The following NLRP4 variants were observed in gnomAD, a reference collection of about 807,000 sequenced individuals.
NLRP4 encodes the protein NACHT, LRR and PYD domains-containing protein 4.
In NLRP4, 44 loss-of-function variants were observed where a neutral mutation model predicts 84.7. The ratio of observed to expected loss-of-function variants is 0.52; its 90% CI spans 0.41 to 0.67. The LOEUF (loss-of-function observed/expected upper bound fraction) is 0.67. Among genes scored for constraint, NLRP4 ranks in the 30% least tolerant of loss-of-function variants. The probability of loss-of-function intolerance (pLI) is 0.00; values close to 1 mark genes in which losing one functional copy is unlikely to be tolerated. For missense variants in NLRP4, 1,260 were observed against 1,219.4 expected (o/e 1.03, Z -0.50); for synonymous variants, 544 against 476.4 (o/e 1.14, Z -1.85).
At chr19:55,869,318 C>T (rs1034707813) in intron 6 of NLRP4, among the ~76,000 whole-genome samples, 2 of 151,460 alleles carry the variant, frequency 1.3e-5, no homozygotes, top group South Asian at 4.2e-4. Context: ...GAGCCGAGAT[C>T]GCACCACCAC....
intron 1 of NLRP4, among the ~76,000 whole-genome samples, chr19:55,846,693 G>A (rs1249297181): frequency 6.6e-6 from 1 of 152,118 alleles, no homozygotes; most frequent in Non-Finnish European, 1.5e-5. Flanking sequence ...AGGACCTGGG[G>A]ATTTGCATAG....
chr19:55,867,575 C>G, intron 5 of NLRP4, 134 bp from the exon 6 acceptor site: 1 of 722,436 alleles, frequency 1.4e-6, no homozygotes, highest in South Asian at 1.8e-5. Flanking sequence ...TGACAGGGAT[C>G]AAGAACAGGG....
chr19:55,867,196 A>G (rs557835223), intron 5 of NLRP4, among the ~76,000 whole-genome samples: 4 of 146,626 alleles, frequency 2.7e-5, no homozygotes. Flanking sequence ...GAGACAGTGC[A>G]TATCAGGTTG....
Position 55,858,062 on chromosome 19 carries a change from G to A in NLRP4, c.669G>A (p.Pro223=), listed in dbSNP as rs746075034. The change falls in exon 3 of 10, where the codon CCG becomes CCA. Residue 223 remains proline, a synonymous_variant. Transcript: ENST00000301295. This position sits in a 1 kb window ranked among gnomAD's most constrained non-coding sequence, Gnocchi z 4.2. The stretch of plus-strand genomic sequence containing the variant: ...CTATAACAGAGATCGTGTCTCAACC[G>A]GAGAGACTCTTGTTCGTCATCGACA... ...AAPITEIVSQ[P]ERLLFVIDSF... is the part of the protein sequence containing the mutation. 37 of 1,614,036 alleles carry A rather than the reference G, an allele frequency of 2.3e-5. 1 individual carries two copies. Among genetic ancestry groups the A allele is most frequent in the Admixed American group, 1.7e-4 (10 of 60,004 alleles).
intron 7 of NLRP4, among the ~76,000 whole-genome samples, chr19:55,871,885 G>A (rs1600240934): frequency 6.9e-6 from 1 of 145,150 alleles, no homozygotes; most frequent in Non-Finnish European, 1.5e-5. Context: ...GTCTCGCTCT[G>A]TCAGCCCACG....
intron 1 of NLRP4, among the ~76,000 whole-genome samples, chr19:55,845,027 T>A (rs1416170585): frequency 6.6e-6 from 1 of 151,984 alleles, no homozygotes; most frequent in African/African-American, 2.4e-5. Context: ...GAGGCTACAC[T>A]TTTTTTTAAT....
chr19:55,836,751 C>A lies in NLRP4; in HGVS notation c.-249C>A, dbSNP rs430218. 21,492 of 144,532 alleles carry A rather than the reference C, an allele frequency of 0.15. 1,850 individuals carry two copies. The highest frequency in any genetic ancestry group is 0.31 in the East Asian group (1,549 of 5,030). 9.0% of individuals were successfully genotyped at this position (144,532 alleles called of 1,614,324 possible). On this transcript the variant is annotated 5_prime_UTR_variant, in exon 1 of 10. Coordinates refer to ENST00000301295, the MANE Select transcript of NLRP4 (RefSeq NM_134444.5). ...CTCCAGTTAGTGGGGTAGATGAACGCCCTGTGTTTATAAGGTGCCTCCCAG... is the reference window on the plus strand; with the variant it reads ...CTCCAGTTAGTGGGGTAGATGAACGACCTGTGTTTATAAGGTGCCTCCCAG...
chr19:55,839,308 A>AGTGTGTGTGTGT (rs59705356), intron 1 of NLRP4, among the ~76,000 whole-genome samples: 24 of 151,466 alleles, frequency 1.6e-4, no homozygotes, highest in African/African-American at 4.1e-4. Flanking sequence ...CCTCAGTTTG[A>AGTGTGTGTGTGT]GTGTGTGTGT....
intron 7 of NLRP4, among the ~76,000 whole-genome samples, chr19:55,872,127 C>T (rs1985209833): frequency 6.6e-6 from 1 of 152,136 alleles, no homozygotes; most frequent in Admixed American, 6.5e-5. Context: ...GGATTACAGG[C>T]ATGAGCCACC....
intron 1 of NLRP4, among the ~76,000 whole-genome samples, chr19:55,845,999 T>G (rs1983780145): frequency 6.6e-6 from 1 of 152,238 alleles, no homozygotes; most frequent in Admixed American, 6.5e-5. Flanking sequence ...TGGTGGTTTC[T>G]TTTGCTGTGC....
chr19:55,844,539 G>A (rs1311347735), intron 1 of NLRP4, among the ~76,000 whole-genome samples: 4 of 152,152 alleles, frequency 2.6e-5, no homozygotes, highest in Non-Finnish European at 5.9e-5. Flanking sequence ...GCCTCCCAAA[G>A]TGCTGGGATT....
chr19:55,850,203 T>G (rs1399200302), intron 1 of NLRP4, among the ~76,000 whole-genome samples: 377 of 124,088 alleles, frequency 3.0e-3, no homozygotes, highest in Non-Finnish European at 3.6e-3. Context: ...GGCTGCGGTG[T>G]AATTTCCGTG....
In NLRP4 at chr19:55,858,224, C is replaced by A. The variant is rs372399474; in HGVS notation, c.831C>A (p.Ile277=). 6.2e-7 allele frequency: 1 copy of A among 1,614,148 alleles called. No homozygotes were observed. The highest frequency in any genetic ancestry group is 1.7e-5 in the Admixed American group (1 of 60,024). The change falls in exon 3 of 10, where the codon ATC becomes ATA. Residue 277 remains isoleucine, a synonymous_variant. Coordinates refer to ENST00000301295, the MANE Select transcript of NLRP4 (RefSeq NM_134444.5). This position sits in a 1 kb window ranked among gnomAD's most constrained non-coding sequence, Gnocchi z 4.2. ...KKMLPEASLL[I]AIKPVCPKEL... ...TGCTCCCGGAGGCCTCCCTGCTCAT[C>A]GCTATCAAACCCGTGTGCCCGAAGG...
At chr19:55,846,341 G>A (rs1005052817) in intron 1 of NLRP4, among the ~76,000 whole-genome samples, 2 of 152,092 alleles carry the variant, frequency 1.3e-5, no homozygotes, top group African/African-American at 4.8e-5. Context: ...TAGATATGCG[G>A]CATTATTTCC....
chr19:55,855,943 C>G (rs1458463965), intron 2 of NLRP4, among the ~76,000 whole-genome samples: 2 of 152,174 alleles, frequency 1.3e-5, no homozygotes, highest in Non-Finnish European at 2.9e-5. Context: ...AGCTATGATT[C>G]AGAAATCGGG....
chr19:55,878,907 G>T lies in NLRP4; in HGVS notation c.2810G>T (p.Gly937Val), dbSNP rs1235427335. 25 of 1,613,808 alleles carry T rather than the reference G, an allele frequency of 1.5e-5. No individual in the cohort carries two copies. The highest frequency in any genetic ancestry group is 2.0e-5 in the Non-Finnish European group (24 of 1,179,866). The change falls in exon 9 of 10, where the codon GGG becomes GTG. Residue 937 changes from glycine to valine, a missense_variant. Physicochemically the swap from Gly to Val is moderately radical, Grantham distance 109. This residue lies in a region of NLRP4 where 544 missense variants were observed against 531.7 expected (regional missense o/e 1.02). Coordinates refer to ENST00000301295, the MANE Select transcript of NLRP4 (RefSeq NM_134444.5). ...ACCTTGAACACCTTGGACCACACAGGGGTGGTTGTACTCTGTGAGGCCCTG... is the reference window on the plus strand; with the variant it reads ...ACCTTGAACACCTTGGACCACACAGTGGTGGTTGTACTCTGTGAGGCCCTG... ...NLTLNTLDHTGVVVLCEALRH... is the reference protein window; with the variant it reads ...NLTLNTLDHTVVVVLCEALRH...
chr19:55,841,427 G>A (rs567611637), intron 1 of NLRP4, among the ~76,000 whole-genome samples: 18 of 152,132 alleles, frequency 1.2e-4, no homozygotes, highest in Admixed American at 9.2e-4. Flanking sequence ...TGTCCTCCAC[G>A]TTCATCCAGG....
At chr19:55,844,746 G>A (rs1359184280) in intron 1 of NLRP4, among the ~76,000 whole-genome samples, 1 of 152,112 alleles carries the variant, frequency 6.6e-6, no homozygotes, top group African/African-American at 2.4e-5. Context: ...GTAACTCATT[G>A]TATCTACGAG....
intron 1 of NLRP4, among the ~76,000 whole-genome samples, chr19:55,848,042 C>T (rs1983866991): frequency 2.0e-5 from 3 of 151,998 alleles, no homozygotes; most frequent in African/African-American, 7.3e-5. Context: ...GTGCCTGGAC[C>T]TCATCTAGGA....
Sources: allele counts gnomAD v4.1 joint callset (sites outside exome capture counted in the v4.1 genomes callset), GRCh38; gene constraint gnomAD v4.1.1; regional missense constraint gnomAD v4.1.1; non-coding constraint Gnocchi (gnomAD v3.1); transcripts MANE v1.5; gene names NCBI Gene and HGNC (gene_info 2026-07-23, HGNC 2026-07-21).